MARCHF10: variants seen among roughly 807,000 people sequenced by gnomAD.
The protein encoded by MARCHF10 is membrane associated ring-CH-type finger 10, also known as probable E3 ubiquitin-protein ligase MARCHF10.
Under a neutral mutation model 76.2 loss-of-function variants are expected in MARCHF10, and 64 were observed. The ratio of observed to expected loss-of-function variants is 0.84; its 90% CI spans 0.69 to 1.03. The LOEUF (loss-of-function observed/expected upper bound fraction) is 1.03, where lower values mean the gene tolerates loss of function less well. Ranked by LOEUF, MARCHF10 falls within the 50% of genes least tolerant of loss-of-function variation. The pLI, the probability that MARCHF10 is intolerant of heterozygous loss-of-function variation, is 0.00. For missense variants in MARCHF10, 875 were observed against 958.0 expected, an observed-to-expected ratio of 0.91 and a Z score of 1.14; for synonymous variants, 340 against 357.5, an observed-to-expected ratio of 0.95 and a Z score of 0.55.
intron 8 of MARCHF10, 28 bp downstream of exon 8, chr17:62,722,460 G>A (rs1214626645): frequency 3.9e-6 from 6 of 1,523,416 alleles, no homozygotes; most frequent in Non-Finnish European, 5.4e-6. Flanking sequence ...ACTTTAACCT[G>A]TGGAGGCAGA....
intron 8 of MARCHF10, among the ~76,000 whole-genome samples, chr17:62,715,629 GAGTC>G (rs999065655): frequency 6.6e-6 from 1 of 152,236 alleles, no homozygotes; most frequent in African/African-American, 2.4e-5. Flanking sequence ...ACTACCGAAA[GAGTC>G]AGGAGAAAGG....
intron 9 of MARCHF10, chr17:62,707,757 T>A (rs1196671458): frequency 6.6e-6 from 1 of 152,280 alleles, no homozygotes; most frequent in Non-Finnish European, 1.5e-5. Context: ...GTTCTCTCCT[T>A]AGATTCTGAG....
intron 3 of MARCHF10, among the ~76,000 whole-genome samples, chr17:62,782,559 G>A (rs2092678337): frequency 6.6e-6 from 1 of 151,954 alleles, no homozygotes; most frequent in Admixed American, 6.6e-5. Flanking sequence ...TATTGGCCAG[G>A]CTGGTCTTGA....
In MARCHF10 at chr17:62,767,731, G is replaced by A. The variant is rs544838067; in HGVS notation, c.211-7725C>T. On this transcript the variant is annotated intron_variant, in intron 3 of 10. Transcript: ENST00000311269. Reference sequence around the variant, plus strand: ...CTCCCAAAGTGCTGGGATTACAGGTGTGAGCCACCTGTAATGCCCGGCCCT... The same window carrying A: ...CTCCCAAAGTGCTGGGATTACAGGTATGAGCCACCTGTAATGCCCGGCCCT... Among the ~76,000 whole-genome samples, 6 of 152,276 alleles carry A rather than the reference G, an allele frequency of 3.9e-5. No individual in the cohort carries two copies. In the South Asian group the frequency reaches 1.2e-3, roughly 32 times the overall value.
chr17:62,790,821 G>A (rs1427264130), intron 2 of MARCHF10, among the ~76,000 whole-genome samples: 2 of 152,212 alleles, frequency 1.3e-5, no homozygotes, highest in African/African-American at 4.8e-5. Context: ...AATTGGGACA[G>A]TTATTCACAT....
At chr17:62,743,827 C>T (rs748120220) in intron 5 of MARCHF10, among the ~76,000 whole-genome samples, 5 of 152,102 alleles carry the variant, frequency 3.3e-5, no homozygotes, top group African/African-American at 4.8e-5. Context: ...AGCATAGATT[C>T]GTTCCAATAT....
intron 7 of MARCHF10, among the ~76,000 whole-genome samples, chr17:62,724,645 T>C (rs761911099): frequency 2.0e-5 from 3 of 152,088 alleles, no homozygotes; most frequent in Non-Finnish European, 4.4e-5. Flanking sequence ...GCATCTCTGC[T>C]CAGGCCTCAA....
intron 2 of MARCHF10, among the ~76,000 whole-genome samples, 185 bp downstream of exon 2, chr17:62,801,459 GTT>G (rs370268977): frequency 2.3e-4 from 32 of 136,962 alleles, no homozygotes; most frequent in Non-Finnish European, 2.6e-4. Context: ...AGCTATCCCC[GTT>G]TTTTTTTTTT....
At chr17:62,717,324 T>C (rs2147655329) in intron 8 of MARCHF10, among the ~76,000 whole-genome samples, 1 of 152,348 alleles carries the variant, frequency 6.6e-6, no homozygotes, top group Non-Finnish European at 1.5e-5. Flanking sequence ...CCTGGCAGCC[T>C]AGCTGTCACC....
chr17:62,799,175 T>C (rs978716485), intron 2 of MARCHF10, among the ~76,000 whole-genome samples: 2 of 152,198 alleles, frequency 1.3e-5, no homozygotes, highest in African/African-American at 4.8e-5. Flanking sequence ...ATTCTTTTCT[T>C]TCCCTCACTC....
chr17:62,782,380 C>T (rs1031792206), intron 3 of MARCHF10, among the ~76,000 whole-genome samples: 2 of 140,732 alleles, frequency 1.4e-5, no homozygotes, highest in African/African-American at 2.8e-5. Context: ...TGGAGTCTCG[C>T]TCTGTCGCCC....
At chr17:62,774,705 A>G (rs1345813228) in intron 3 of MARCHF10, among the ~76,000 whole-genome samples, 1 of 152,140 alleles carries the variant, frequency 6.6e-6, no homozygotes, top group East Asian at 1.9e-4. Flanking sequence ...ACAGCTCCCC[A>G]GCCTCACCTC....
chr17:62,759,627 T>C (rs1409630803), intron 4 of MARCHF10, among the ~76,000 whole-genome samples: 1 of 152,132 alleles, frequency 6.6e-6, no homozygotes, highest in Admixed American at 6.6e-5. Flanking sequence ...TACAGGATTA[T>C]ACCTGTTTAA....
intron 2 of MARCHF10, among the ~76,000 whole-genome samples, chr17:62,794,424 CAGA>C (rs1212184684): frequency 6.6e-6 from 1 of 152,216 alleles, no homozygotes; most frequent in Non-Finnish European, 1.5e-5. Flanking sequence ...ATGTTGGTTG[CAGA>C]AGAAGAGAGA....
chr17:62,739,543 G>A (rs961872750), intron 5 of MARCHF10, among the ~76,000 whole-genome samples: 5 of 151,920 alleles, frequency 3.3e-5, no homozygotes, highest in East Asian at 2.0e-4. Flanking sequence ...CACCAAGCCC[G>A]GCTAATTTTG....
chr17:62,763,158 AG>A (rs1315490889), intron 3 of MARCHF10, among the ~76,000 whole-genome samples: 5 of 152,244 alleles, frequency 3.3e-5, no homozygotes, highest in African/African-American at 4.8e-5. Flanking sequence ...GCGCCATGCA[AG>A]TATTGGCTTT....
chr17:62,754,091 G>A (rs1025862273), intron 4 of MARCHF10, among the ~76,000 whole-genome samples: 2 of 151,764 alleles, frequency 1.3e-5, no homozygotes, highest in South Asian at 2.1e-4. Flanking sequence ...TGTTGTTGTC[G>A]AGACATGGTT....
chr17:62,701,690 G>T lies in MARCHF10; in HGVS notation c.*13C>A, dbSNP rs760786649. 3 of 1,614,072 alleles carry T rather than the reference G, an allele frequency of 1.9e-6. No individual in the cohort carries two copies. The highest frequency in any genetic ancestry group is 2.5e-6 in the Non-Finnish European group (3 of 1,180,036). ...GGAGAGGTCTCCGCCGAGCTCCACA[G>T]TTGGCTTCCTTGCTAGACGACCTGG... On this transcript the variant is annotated 3_prime_UTR_variant, in exon 11 of 11. Coordinates refer to ENST00000311269, the MANE Select transcript of MARCHF10 (RefSeq NM_152598.4).
At chr17:62,763,406 T>C (rs1055065011) in intron 3 of MARCHF10, among the ~76,000 whole-genome samples, 1 of 152,216 alleles carries the variant, frequency 6.6e-6, no homozygotes, top group African/African-American at 2.4e-5. Context: ...AAATGGCCAG[T>C]TGAAATTTAT....
Sources: allele counts gnomAD v4.1 joint callset (sites outside exome capture counted in the v4.1 genomes callset), GRCh38; gene constraint gnomAD v4.1.1; transcripts MANE v1.5; gene names NCBI Gene and HGNC (gene_info 2026-07-23, HGNC 2026-07-21).